Variants in CD2AP observed in about 807,000 individuals in gnomAD.
CD2AP encodes the protein CD2 associated protein, also known as CD2-associated protein.
In CD2AP, 46 loss-of-function variants were observed where a neutral mutation model predicts 85.1. That is an observed-to-expected ratio of 0.54 (90% CI 0.43 to 0.69). The LOEUF is 0.69. Among genes scored for constraint, CD2AP ranks in the 30% least tolerant of loss-of-function variants. The pLI, the probability that CD2AP is intolerant of heterozygous loss-of-function variation, is 0.00. For synonymous variants in CD2AP, 255 were observed against 252.9 expected (o/e 1.01, Z -0.08); for missense variants, 769 against 729.5 (o/e 1.05, Z -0.62).
intron 13 of CD2AP, among the ~76,000 whole-genome samples, chr6:47,604,059 A>G (rs887297486): frequency 2.6e-5 from 4 of 152,132 alleles, no homozygotes; most frequent in African/African-American, 7.2e-5. Flanking sequence ...ATTGGCAACC[A>G]TAAAAATCAG....
chr6:47,587,821 A>G (rs1468602324), intron 11 of CD2AP, among the ~76,000 whole-genome samples: 1 of 152,196 alleles, frequency 6.6e-6, no homozygotes, highest in Non-Finnish European at 1.5e-5. Flanking sequence ...ACACACATAC[A>G]CAGTCATACC....
intron 1 of CD2AP, among the ~76,000 whole-genome samples, chr6:47,499,984 C>T (rs763126564): frequency 1.3e-5 from 2 of 152,154 alleles, no homozygotes; most frequent in Non-Finnish European, 2.9e-5. Context: ...CCACCTCAGC[C>T]TCCCAAAGTG....
At chr6:47,485,810 A>G (rs1019774505) in intron 1 of CD2AP, among the ~76,000 whole-genome samples, 2 of 152,252 alleles carry the variant, frequency 1.3e-5, no homozygotes, top group African/African-American at 4.8e-5. Context: ...ATACTTAACC[A>G]TTGTGTTACA....
intron 1 of CD2AP, among the ~76,000 whole-genome samples, chr6:47,494,987 A>G (rs772831578): frequency 1.3e-5 from 2 of 152,032 alleles, no homozygotes; most frequent in African/African-American, 4.8e-5. Flanking sequence ...TAATGAGACC[A>G]TGTCTCTACA....
chr6:47,572,171 T>C (rs1290588077), intron 5 of CD2AP, among the ~76,000 whole-genome samples: 1 of 152,186 alleles, frequency 6.6e-6, no homozygotes, highest in African/African-American at 2.4e-5. Flanking sequence ...TGTAAAGGAT[T>C]ACTGTAAAAT....
intron 9 of CD2AP, 21 bp downstream of exon 9, chr6:47,579,510 G>A (rs1242990195): frequency 7.2e-7 from 1 of 1,389,968 alleles, no homozygotes; most frequent in Non-Finnish European, 1.0e-6. Context: ...GTTTTTCAAT[G>A]ATGATAATAC....
intron 2 of CD2AP, among the ~76,000 whole-genome samples, chr6:47,504,871 T>G (rs1267683341): frequency 6.6e-6 from 1 of 152,150 alleles, no homozygotes; most frequent in Non-Finnish European, 1.5e-5. Context: ...ATACATTAAT[T>G]TTAAAATATT....
intron 11 of CD2AP, among the ~76,000 whole-genome samples, chr6:47,589,945 A>G (rs1032897560): frequency 3.9e-5 from 6 of 152,096 alleles, no homozygotes; most frequent in African/African-American, 1.4e-4. Flanking sequence ...TGATGGGAGG[A>G]AGGTGACCTG....
chr6:47,536,181 C>G (rs941753998), intron 3 of CD2AP, among the ~76,000 whole-genome samples: 3 of 150,342 alleles, frequency 2.0e-5, no homozygotes, highest in African/African-American at 7.3e-5. Flanking sequence ...TTTTGCTTTT[C>G]TGTTTTCCTG....
chr6:47,542,227 A>T (rs183355639), intron 3 of CD2AP, among the ~76,000 whole-genome samples: 105 of 152,202 alleles, frequency 6.9e-4, no homozygotes, highest in African/African-American at 2.5e-3. Context: ...TTTTCTTCTC[A>T]AGTTCTGTTA....
chr6:47,572,832 T>C (rs1768193196), intron 5 of CD2AP, among the ~76,000 whole-genome samples: 1 of 152,244 alleles, frequency 6.6e-6, no homozygotes, highest in Non-Finnish European at 1.5e-5. Flanking sequence ...ATAATTCATA[T>C]GCGGTGCTTA....
chr6:47,553,513 A>ATTTTTTTTTTTTTT (rs148273065), intron 4 of CD2AP, among the ~76,000 whole-genome samples: 5 of 110,504 alleles, frequency 4.5e-5, no homozygotes, highest in East Asian at 2.7e-4. Flanking sequence ...CACCTAGTGA[A>ATTTTTTTTTTTTTT]TTTTTTTTTT....
At chr6:47,568,431 A>G (rs1377646377) in intron 5 of CD2AP, among the ~76,000 whole-genome samples, 1 of 152,088 alleles carries the variant, frequency 6.6e-6, no homozygotes, top group African/African-American at 2.4e-5. Flanking sequence ...GCTTGATAGT[A>G]CTTTAGGTGG....
chr6:47,525,956 A>T (rs1766710576), intron 2 of CD2AP, among the ~76,000 whole-genome samples: 1 of 152,146 alleles, frequency 6.6e-6, no homozygotes, highest in Admixed American at 6.6e-5. Flanking sequence ...TTTCCAAGTG[A>T]GGACTCTTTT....
At chr6:47,498,690 T>G (rs1395423037) in intron 1 of CD2AP, among the ~76,000 whole-genome samples, 1 of 152,258 alleles carries the variant, frequency 6.6e-6, no homozygotes, top group Non-Finnish European at 1.5e-5. Context: ...TAAAAACTTT[T>G]TAATTTTCTC....
At chr6:47,576,894 A>T in intron 7 of CD2AP, 115 bp from the exon 8 acceptor site, 1 of 716,110 alleles carries the variant, frequency 1.4e-6, no homozygotes, top group South Asian at 1.6e-5. Flanking sequence ...ATTTAAAGAT[A>T]ATTAAGTTCA....
At chr6:47,581,005 G>T in intron 10 of CD2AP, 105 bp downstream of exon 10, 1 of 805,234 alleles carries the variant, frequency 1.2e-6, no homozygotes. Flanking sequence ...CAAGTATGAT[G>T]TCTGTAAACA....
chr6:47,537,895 A>G (rs1294440050), intron 3 of CD2AP, among the ~76,000 whole-genome samples: 1 of 151,668 alleles, frequency 6.6e-6, no homozygotes, highest in Non-Finnish European at 1.5e-5. Context: ...AATTACAGGA[A>G]CACGCCACTG....
At chr6:47,508,398 CT>C (rs1253046082) in intron 2 of CD2AP, among the ~76,000 whole-genome samples, 6 of 152,190 alleles carry the variant, frequency 3.9e-5, no homozygotes, top group Non-Finnish European at 7.4e-5. Flanking sequence ...TAGCTTCAAA[CT>C]TTTCTTCTGC....
Sources: allele counts gnomAD v4.1 joint callset (sites outside exome capture counted in the v4.1 genomes callset), GRCh38; gene constraint gnomAD v4.1.1; transcripts MANE v1.5; gene names NCBI Gene and HGNC (gene_info 2026-07-23, HGNC 2026-07-21).